Variants in KIAA1549L observed in about 807,000 individuals in gnomAD.
KIAA1549L encodes KIAA1549 like, also known as UPF0606 protein KIAA1549L.
In KIAA1549L, 88 loss-of-function variants were observed where a neutral mutation model predicts 160.7. The ratio of observed to expected loss-of-function variants is 0.55; its 90% CI spans 0.46 to 0.65. The LOEUF (loss-of-function observed/expected upper bound fraction) is 0.65. KIAA1549L is among the 30% of genes least tolerant of loss of function. The probability of loss-of-function intolerance (pLI) is 0.00; values close to 1 mark genes in which losing one functional copy is unlikely to be tolerated. For missense variants in KIAA1549L, 2,258 were observed against 2,437.5 expected (o/e 0.93, Z 1.55); for synonymous variants, 950 against 976.7 (o/e 0.97, Z 0.51).
At chr11:33,516,433 G>A (rs1853345112) in intron 1 of KIAA1549L, among the ~76,000 whole-genome samples, 1 of 15,272 alleles carries the variant, frequency 6.5e-5, no homozygotes. Context: ...TTACAGGCGT[G>A]AGCCACCGCG....
At chr11:33,384,586 G>C (rs1402806332) in intron 1 of KIAA1549L, among the ~76,000 whole-genome samples, 1 of 152,176 alleles carries the variant, frequency 6.6e-6, no homozygotes, top group Non-Finnish European at 1.5e-5. Context: ...TTGTTCCTCT[G>C]TATCCTCACT....
At chr11:33,511,392 G>A (rs1250775269) in intron 1 of KIAA1549L, among the ~76,000 whole-genome samples, 1 of 152,230 alleles carries the variant, frequency 6.6e-6, no homozygotes, top group Non-Finnish European at 1.5e-5. Context: ...TTACTCAGGT[G>A]TTGTGGGAGG....
At chr11:33,460,403 A>G (rs1165188508) in intron 1 of KIAA1549L, among the ~76,000 whole-genome samples, 2 of 152,170 alleles carry the variant, frequency 1.3e-5, no homozygotes, top group Non-Finnish European at 2.9e-5. Context: ...GCCTGGTGTG[A>G]GGAAGGGGTT....
chr11:33,466,482 G>T (rs564812632), intron 1 of KIAA1549L, among the ~76,000 whole-genome samples: 154 of 152,300 alleles, frequency 1.0e-3, no homozygotes, highest in Non-Finnish European at 1.9e-3. Flanking sequence ...ACGCTGGAGA[G>T]GATGTGGAGA....
In KIAA1549L at chr11:33,512,578, A is replaced by G. The variant is rs1262066625; in HGVS notation, c.239-29224A>G. 4.0e-5 allele frequency among the ~76,000 whole-genome samples: 6 copies of G among 151,852 alleles called. No homozygotes were observed. In the East Asian group the frequency reaches 1.2e-3, roughly 29 times the overall value. ...GCTGGGACTACAGGTACCTGCTACC[A>G]CCCCCAGATAACTTTTATATTTTTT... On this transcript the variant is annotated intron_variant, in intron 1 of 20. Coordinates refer to ENST00000658780, the MANE Select transcript of KIAA1549L (RefSeq NM_012194.3).
intron 1 of KIAA1549L, among the ~76,000 whole-genome samples, chr11:33,419,913 T>C (rs528883026): frequency 9.8e-4 from 132 of 135,312 alleles, no homozygotes; most frequent in South Asian, 3.2e-3. Flanking sequence ...TACATATATA[T>C]ATATGAATAG....
intron 1 of KIAA1549L, among the ~76,000 whole-genome samples, chr11:33,437,721 C>T (rs548124339): frequency 1.3e-5 from 2 of 152,262 alleles, no homozygotes; most frequent in East Asian, 3.9e-4. Context: ...GTTCTAAAGA[C>T]CTTTGCCCTG....
At position 33,543,623 on chromosome 11, in the gene KIAA1549L, T is replaced by C. The variant is rs1854115535; in HGVS notation, c.2060T>C (p.Met687Thr). The change falls in exon 2 of 21, where the codon ATG becomes ACG. Residue 687 changes from methionine to threonine, a missense_variant. Physicochemically the swap from Met to Thr is moderately conservative, Grantham distance 81. Transcript: ENST00000658780. ...DVYDSLTIGD[M>T]KKPATTDVFW... ...TATGATTCCTTAACAATAGGAGACA[T>C]GAAAAAGCCAGCAACCACAGATGTT... The C allele has an allele frequency of 1.9e-6, 3 of 1,613,782 alleles. No individual in the cohort carries two copies. Among genetic ancestry groups the C allele is most frequent in the Non-Finnish European group, 2.5e-6 (3 of 1,179,832 alleles).
chr11:33,538,552 G>A (rs1352295521), intron 1 of KIAA1549L, among the ~76,000 whole-genome samples: 1 of 152,172 alleles, frequency 6.6e-6, no homozygotes, highest in Non-Finnish European at 1.5e-5. Context: ...GCAGAGAATG[G>A]TGAACCTGAT....
intron 4 of KIAA1549L, 37 bp from the exon 5 acceptor site, chr11:33,551,003 A>G: frequency 6.4e-7 from 1 of 1,557,484 alleles, no homozygotes; most frequent in Non-Finnish European, 8.9e-7. Context: ...TGCTGTGGAA[A>G]TAAACAATGG....
intron 1 of KIAA1549L, among the ~76,000 whole-genome samples, chr11:33,522,422 T>C (rs184334173): frequency 1.2e-3 from 176 of 152,326 alleles, no homozygotes; most frequent in African/African-American, 4.2e-3. Flanking sequence ...GCTTCTGTGG[T>C]CCCAAAATAG....
chr11:33,547,760 A>G lies in KIAA1549L; in HGVS notation c.3386-4A>G. On this transcript the variant is annotated splice_polypyrimidine_tract_variant and splice_region_variant and intron_variant, in intron 3 of 20. Transcript: ENST00000658780. The stretch of plus-strand genomic sequence containing the variant: ...GATTGCCATGCTTCTATTTTACCCC[A>G]CAGTTCTCTTTCTCACCCAAAGGAG... The G allele has an allele frequency of 6.3e-7, 1 of 1,594,620 alleles. No homozygotes were observed. The highest frequency in any genetic ancestry group is 8.6e-7 in the Non-Finnish European group (1 of 1,163,522).
intron 1 of KIAA1549L, among the ~76,000 whole-genome samples, chr11:33,539,564 A>G (rs1158255486): frequency 6.6e-6 from 1 of 152,246 alleles, no homozygotes; most frequent in Non-Finnish European, 1.5e-5. Flanking sequence ...AAACACTTTG[A>G]ACATTGCTAC....
At chr11:33,574,557 G>T (rs1855378414) in intron 9 of KIAA1549L, 145 bp from the exon 10 acceptor site, 3 of 610,232 alleles carry the variant, frequency 4.9e-6, no homozygotes, top group Admixed American at 6.8e-5. Flanking sequence ...TTCTTGAGAG[G>T]CTGGATATAG....
chr11:33,604,668 A>G, intron 13 of KIAA1549L, among the ~76,000 whole-genome samples: 1 of 152,222 alleles, frequency 6.6e-6, no homozygotes, highest in Non-Finnish European at 1.5e-5. Flanking sequence ...GGATGGAGCT[A>G]GAGGCCATTA....
chr11:33,426,562 C>A (rs910362052), intron 1 of KIAA1549L, among the ~76,000 whole-genome samples: 2 of 152,170 alleles, frequency 1.3e-5, no homozygotes, highest in Non-Finnish European at 2.9e-5. Flanking sequence ...CATCTTTCAC[C>A]TGGTCACCTG....
chr11:33,601,180 T>C (rs548837551), intron 13 of KIAA1549L, among the ~76,000 whole-genome samples: 47 of 152,348 alleles, frequency 3.1e-4, no homozygotes, highest in African/African-American at 1.1e-3. Context: ...GAGTGCTTGC[T>C]TGGTTGCACT....
chr11:33,435,797 T>TATA (rs1851353370), intron 1 of KIAA1549L, among the ~76,000 whole-genome samples: 1 of 8,088 alleles, frequency 1.2e-4, no homozygotes, highest in East Asian at 5.7e-3. Flanking sequence ...TATATATATA[T>TATA]ATATATATAT....
At chr11:33,481,055 T>G (rs1852401642) in intron 1 of KIAA1549L, among the ~76,000 whole-genome samples, 1 of 152,342 alleles carries the variant, frequency 6.6e-6, no homozygotes, top group Middle Eastern at 3.4e-3. Flanking sequence ...TAAAGTTGCT[T>G]TGGCTTGTTT....
Sources: allele counts gnomAD v4.1 joint callset (sites outside exome capture counted in the v4.1 genomes callset), GRCh38; gene constraint gnomAD v4.1.1; transcripts MANE v1.5; gene names NCBI Gene and HGNC (gene_info 2026-07-23, HGNC 2026-07-21).